The following DOK6 variants were observed in gnomAD, a reference collection of about 807,000 sequenced individuals.
The protein encoded by DOK6 is downstream of tyrosine kinase 6.
DOK6 carries 22 observed loss-of-function variants against 44.0 expected under a neutral mutation model. The observed-to-expected ratio is 0.50, with a 90% CI of 0.36 to 0.71. DOK6 has a LOEUF of 0.71. Ranked by LOEUF, DOK6 falls within the 30% of genes least tolerant of loss-of-function variation. The pLI is 0.00. For synonymous variants in DOK6, 166 were observed against 145.5 expected, an observed-to-expected ratio of 1.14 and a Z score of -1.01; for missense variants, 340 against 416.4, an observed-to-expected ratio of 0.82 and a Z score of 1.60.
chr18:69,652,172 A>G (rs774701242), intron 3 of DOK6, among the ~76,000 whole-genome samples: 8 of 152,208 alleles, frequency 5.3e-5, no homozygotes, highest in Non-Finnish European at 1.2e-4. Context: ...TTTCAAGCCA[A>G]TCCATGAAAC....
chr18:69,672,225 C>G (rs1343679576), intron 3 of DOK6, among the ~76,000 whole-genome samples: 1 of 152,154 alleles, frequency 6.6e-6, no homozygotes, highest in Non-Finnish European at 1.5e-5. Context: ...TAATCGTACC[C>G]CCATCTCTAC....
intron 5 of DOK6, among the ~76,000 whole-genome samples, chr18:69,716,692 C>CAAA (rs11351701): frequency 0.023 from 2,405 of 104,702 alleles, 35 homozygotes; most frequent in African/African-American, 0.027. Context: ...GCAGAATTGA[C>CAAA]AAAAAAAAAA....
At chr18:69,536,459 G>T (rs1212131287) in intron 1 of DOK6, among the ~76,000 whole-genome samples, 1 of 152,076 alleles carries the variant, frequency 6.6e-6, no homozygotes, top group Non-Finnish European at 1.5e-5. Flanking sequence ...TTTTTATTAA[G>T]TATATCTTAT....
rs1986783925 is a variant in DOK6, at chr18:69,712,328, T to TAAAAAA, written c.599+13735_599+13736insAAAAAA. On this transcript the variant is annotated intron_variant, in intron 5 of 7. Coordinates refer to ENST00000382713, the MANE Select transcript of DOK6 (RefSeq NM_152721.6). ...AAAAAAAAAAAAAAAAAAAAAAAAT[T>TAAAAAA]TAACCTTTTCCGAATCACATTTGTG... Among the ~76,000 whole-genome samples, 12 of 33,710 alleles carry TAAAAAA rather than the reference T, an allele frequency of 3.6e-4. 4 individuals are homozygous for TAAAAAA. Among genetic ancestry groups the TAAAAAA allele is most frequent in the African/African-American group, 4.7e-4 (4 of 8,422 alleles). 22.1% of individuals were successfully genotyped at this position (33,710 alleles called of 152,430 possible).
chr18:69,776,931 C>T (rs910104689), intron 7 of DOK6, among the ~76,000 whole-genome samples: 1 of 140,848 alleles, frequency 7.1e-6, no homozygotes, highest in Non-Finnish European at 1.5e-5. Context: ...TGTTCTCACT[C>T]AGGTGGGAAT....
At chr18:69,726,772 G>A (rs146371110) in intron 5 of DOK6, among the ~76,000 whole-genome samples, 3,548 of 151,694 alleles carry the variant, frequency 0.023, 72 homozygotes, top group Non-Finnish European at 0.035. Context: ...ACTCCTCTTA[G>A]GTGGTGGTTT....
intron 3 of DOK6, among the ~76,000 whole-genome samples, chr18:69,632,323 T>C (rs1984707948): frequency 6.6e-6 from 1 of 150,908 alleles, no homozygotes; most frequent in African/African-American, 2.4e-5. Context: ...TTTCATGCAT[T>C]TTCTAGTTTT....
intron 1 of DOK6, among the ~76,000 whole-genome samples, chr18:69,494,651 C>T (rs1359610949): frequency 4.6e-5 from 7 of 152,122 alleles, no homozygotes; most frequent in Non-Finnish European, 8.8e-5. Flanking sequence ...GTTGTCTTAT[C>T]TTCCTGTACT....
chr18:69,421,485 T>C (rs138255049), intron 1 of DOK6, among the ~76,000 whole-genome samples: 209 of 152,252 alleles, frequency 1.4e-3, no homozygotes, highest in African/African-American at 4.5e-3. Context: ...CCAACTCCCA[T>C]AGGGTTATTG....
At chr18:69,644,154 G>T (rs1024118913) in intron 3 of DOK6, among the ~76,000 whole-genome samples, 44 of 152,016 alleles carry the variant, frequency 2.9e-4, no homozygotes, top group African/African-American at 1.0e-3. Flanking sequence ...CTAGATATTT[G>T]TTCTTTGTCA....
chr18:69,727,616 G>A (rs1302838076), intron 5 of DOK6, among the ~76,000 whole-genome samples: 1 of 152,180 alleles, frequency 6.6e-6, no homozygotes, highest in Non-Finnish European at 1.5e-5. Flanking sequence ...GATCTGGCCT[G>A]ATGACTATAT....
rs180710819 is a variant in DOK6, at chr18:69,792,275, G to A, written c.856+34402G>A. On this transcript the variant is annotated intron_variant, in intron 7 of 7. Transcript: ENST00000382713. Reference sequence around the variant, plus strand: ...TAATAGAATTGTCTTTTCTGTTTCCGTGAAGAATGTTATCGGTATTTTTGA... The same window carrying A: ...TAATAGAATTGTCTTTTCTGTTTCCATGAAGAATGTTATCGGTATTTTTGA... 1.5e-3 allele frequency among the ~76,000 whole-genome samples: 221 copies of A among 152,060 alleles called. 1 individual carries two copies. The highest frequency in any genetic ancestry group is 5.6e-3 in the South Asian group (27 of 4,816).
intron 1 of DOK6, among the ~76,000 whole-genome samples, chr18:69,421,914 T>C (rs1978504167): frequency 6.6e-6 from 1 of 151,734 alleles, no homozygotes; most frequent in Non-Finnish European, 1.5e-5. Flanking sequence ...CACCTTCACC[T>C]GACTAGCTCT....
At chr18:69,416,361 T>G (rs1235125141) in intron 1 of DOK6, among the ~76,000 whole-genome samples, 1 of 152,114 alleles carries the variant, frequency 6.6e-6, no homozygotes, top group African/African-American at 2.4e-5. Context: ...TAAATTTGTG[T>G]TTTTGCATAC....
At position 69,848,832 on chromosome 18, in the gene DOK6, T is replaced by C. The variant is rs1982410417; in HGVS notation, c.*7449T>C. 1 of 152,246 alleles carries C rather than the reference T, an allele frequency of 6.6e-6. No individual in the cohort carries two copies. Among genetic ancestry groups the C allele is most frequent in the Non-Finnish European group, 1.5e-5 (1 of 68,040 alleles). 9.4% of individuals were successfully genotyped at this position (152,246 alleles called of 1,614,324 possible). A position where few individuals can be genotyped will look rare whatever the true frequency, so the allele number is the denominator to read the frequency against. ...GTAAAGCAGTTCAAAAATACTACTT[T>C]ACATCACAACTTTGCATGGCTGAGA... On this transcript the variant is annotated 3_prime_UTR_variant, in exon 8 of 8. Coordinates refer to ENST00000382713, the MANE Select transcript of DOK6 (RefSeq NM_152721.6).
intron 1 of DOK6, among the ~76,000 whole-genome samples, chr18:69,425,136 G>A (rs866919847): frequency 2.6e-5 from 4 of 152,276 alleles, no homozygotes; most frequent in African/African-American, 9.6e-5. Context: ...AAGGGTCGGC[G>A]TGAGCAGCAA....
At chr18:69,621,559 GCTGA>G (rs1229263060) in intron 3 of DOK6, among the ~76,000 whole-genome samples, 1 of 152,160 alleles carries the variant, frequency 6.6e-6, no homozygotes, top group African/African-American at 2.4e-5. Flanking sequence ...GATTCTAATG[GCTGA>G]CTAAGGAGTT....
intron 2 of DOK6, among the ~76,000 whole-genome samples, chr18:69,589,401 T>C (rs1983576028): frequency 6.6e-6 from 1 of 152,030 alleles, no homozygotes; most frequent in South Asian, 2.1e-4. Context: ...CCCAGATTAA[T>C]AAGAATTATT....
chr18:69,811,042 A>G (rs34414609), intron 7 of DOK6, among the ~76,000 whole-genome samples: 22,348 of 152,070 alleles, frequency 0.15, 1,766 homozygotes, highest in East Asian at 0.24. Flanking sequence ...AAGATAAGGA[A>G]TCAACCTAAG....
Sources: gnomAD v4.1 joint callset for allele counts (sites outside exome capture counted in the v4.1 genomes callset) on GRCh38, gnomAD v4.1.1 for gene constraint, MANE v1.5 for transcripts, NCBI Gene and HGNC (gene_info 2026-07-23, HGNC 2026-07-21) for gene names.